The following PHLPP1 variants were observed in gnomAD, a reference collection of about 807,000 sequenced individuals.
The protein encoded by PHLPP1 is PH domain leucine-rich repeat-containing protein phosphatase 1.
PHLPP1 carries 42 observed loss-of-function variants against 117.2 expected under a neutral mutation model. The observed-to-expected ratio is 0.36, with a 90% confidence interval of 0.28 to 0.46. The LOEUF is 0.46. Among genes scored for constraint, PHLPP1 ranks in the 20% least tolerant of loss-of-function variants. PHLPP1 has a pLI of 1.00. For synonymous variants in PHLPP1, 1,042 were observed against 970.7 expected (o/e 1.07, Z -1.37); for missense variants, 2,084 against 2,241.9 (o/e 0.93, Z 1.42).
intron 3 of PHLPP1, among the ~76,000 whole-genome samples, chr18:62,855,549 A>G (rs1332393328): frequency 2.0e-5 from 3 of 152,206 alleles, no homozygotes; most frequent in Admixed American, 6.5e-5. Flanking sequence ...GTGGTCACCT[A>G]TGCAGCTCAC....
At chr18:62,740,674 C>T (rs1410390374) in intron 1 of PHLPP1, among the ~76,000 whole-genome samples, 2 of 152,164 alleles carry the variant, frequency 1.3e-5, no homozygotes, top group Non-Finnish European at 2.9e-5. Context: ...TTTAGTTTTT[C>T]TTAAGAACAT....
chr18:62,830,301 C>T (rs1031422495), intron 2 of PHLPP1, 70 bp downstream of exon 2: 38 of 1,346,666 alleles, frequency 2.8e-5, no homozygotes, highest in Middle Eastern at 2.2e-4. Context: ...AGTGTAGTGG[C>T]GTGGTCTCAA....
intron 1 of PHLPP1, among the ~76,000 whole-genome samples, chr18:62,765,607 G>T (rs769146852): frequency 6.6e-6 from 1 of 152,100 alleles, no homozygotes; most frequent in Non-Finnish European, 1.5e-5. Context: ...GTCTATTAAA[G>T]CTTCCATGTA....
At chr18:62,937,596 C>G (rs1382349700) in intron 10 of PHLPP1, among the ~76,000 whole-genome samples, 2 of 152,208 alleles carry the variant, frequency 1.3e-5, no homozygotes, top group Non-Finnish European at 2.9e-5. Flanking sequence ...AGTTTTATTT[C>G]TGTCTCTGCC....
At chr18:62,922,113 GT>G (rs1390071787) in intron 10 of PHLPP1, among the ~76,000 whole-genome samples, 2 of 132,910 alleles carry the variant, frequency 1.5e-5, no homozygotes, top group East Asian at 4.0e-4. Flanking sequence ...TTGGTTTTGG[GT>G]TTTTTGTTTG....
In PHLPP1 at chr18:62,938,918, G is replaced by A. The variant is rs116971945; in HGVS notation, c.2961-2800G>A. Among the ~76,000 whole-genome samples the A allele has an allele frequency of 9.9e-5, 15 of 151,326 alleles. No homozygotes were observed. The East Asian group carries it at 2.3e-3, about 24-fold the overall frequency. ...AAACATGAATTCACTTTGTTTTATC[G>A]CATGTGTTTGTGTGTGTATAACTAC... On this transcript the variant is annotated intron_variant, in intron 10 of 16. Coordinates refer to ENST00000262719, the MANE Select transcript of PHLPP1 (RefSeq NM_194449.4).
intron 2 of PHLPP1, 191 bp from the exon 3 acceptor site, chr18:62,838,593 C>G (rs770711917): frequency 3.3e-5 from 17 of 511,198 alleles, no homozygotes; most frequent in Middle Eastern, 5.2e-4. Flanking sequence ...AGATAAAACT[C>G]CCCCTTTTTT....
intron 4 of PHLPP1, among the ~76,000 whole-genome samples, chr18:62,876,604 C>T (rs1201920224): frequency 6.6e-6 from 1 of 152,118 alleles, no homozygotes; most frequent in African/African-American, 2.4e-5. Context: ...ATAATGTGAT[C>T]ATAAAACTTT....
chr18:62,967,372 AAG>A (rs1203106324), intron 14 of PHLPP1, among the ~76,000 whole-genome samples: 1 of 152,202 alleles, frequency 6.6e-6, no homozygotes, highest in Admixed American at 6.5e-5. Flanking sequence ...AGCAATGTCT[AAG>A]AGTTCCAGTA....
At chr18:62,882,387 G>A (rs971184001) in intron 4 of PHLPP1, among the ~76,000 whole-genome samples, 8 of 151,652 alleles carry the variant, frequency 5.3e-5, no homozygotes, top group African/African-American at 1.7e-4. Context: ...TCCTGCCTCA[G>A]CCTCCCGAGT....
intron 1 of PHLPP1, among the ~76,000 whole-genome samples, chr18:62,762,535 T>C (rs1416523902): frequency 6.6e-6 from 1 of 151,222 alleles, no homozygotes; most frequent in Non-Finnish European, 1.5e-5. Flanking sequence ...TGTCTCAGCC[T>C]CCTAAGTAGC....
At position 62,716,050 on chromosome 18, in the gene PHLPP1, A is replaced by G; in HGVS notation, c.367A>G (p.Arg123Gly). 6.8e-7 allele frequency: 1 copy of G among 1,470,192 alleles called. No homozygotes were observed. Among genetic ancestry groups the G allele is most frequent in the Non-Finnish European group, 8.9e-7 (1 of 1,120,402 alleles). 91.1% of individuals were successfully genotyped at this position (1,470,192 alleles called of 1,614,324 possible). ...CGGCGCCAACTCCCTCCTGCTGAGGAGAGGGCGGCTGAAGAGGAATCTGTC... is the reference window on the plus strand; with the variant it reads ...CGGCGCCAACTCCCTCCTGCTGAGGGGAGGGCGGCTGAAGAGGAATCTGTC... ...GGGANSLLLR[R>G]GRLKRNLSAA... The change falls in exon 1 of 17, where the codon AGA (arginine) becomes GGA (glycine). Residue 123 changes from arginine (R) to glycine (G), a missense_variant. Transcript: ENST00000262719. The surrounding 1 kb of genome is among the most constrained non-coding windows in gnomAD (Gnocchi z 5.7).
chr18:62,812,783 C>T (rs1047537226), intron 1 of PHLPP1, among the ~76,000 whole-genome samples: 1 of 151,424 alleles, frequency 6.6e-6, no homozygotes, highest in South Asian at 2.1e-4. Flanking sequence ...TGATTAAAAT[C>T]CTGAAGTCTA....
chr18:62,855,492 G>A (rs597915), intron 3 of PHLPP1, among the ~76,000 whole-genome samples: 64,807 of 152,040 alleles, frequency 0.43, 13,994 homozygotes, highest in African/African-American at 0.48. Flanking sequence ...CTCCCATTCT[G>A]TTGCAGCTTA....
intron 1 of PHLPP1, among the ~76,000 whole-genome samples, chr18:62,747,620 G>A (rs1911718182): frequency 6.6e-6 from 1 of 151,866 alleles, no homozygotes; most frequent in Non-Finnish European, 1.5e-5. Context: ...GGGCTCAAGC[G>A]ATTCTCCCAC....
In PHLPP1 at chr18:62,978,440, C is replaced by T. The variant is rs750847498; in HGVS notation, c.4163C>T (p.Ala1388Val). ...CTGTCCGTCGAGGAGGCCGTGGAAGCCGTGCGCAACGTGCCCGATGCCCTG... is the reference window on the plus strand; with the variant it reads ...CTGTCCGTCGAGGAGGCCGTGGAAGTCGTGCGCAACGTGCCCGATGCCCTG... ...DSLSVEEAVE[A>V]VRNVPDALAA... The change falls in exon 17 of 17, where the codon GCC (alanine) becomes GTC (valine). Residue 1388 changes from alanine to valine, a missense_variant. Transcript: ENST00000262719. The surrounding 1 kb of genome is among the most constrained non-coding windows in gnomAD (Gnocchi z 7.0). 3 of 1,611,602 alleles carry T rather than the reference C, an allele frequency of 1.9e-6. No individual in the cohort carries two copies. The highest frequency in any genetic ancestry group is 2.5e-6 in the Non-Finnish European group (3 of 1,178,928).
chr18:62,889,386 C>G (rs1185790648), intron 4 of PHLPP1, among the ~76,000 whole-genome samples: 3 of 152,144 alleles, frequency 2.0e-5, no homozygotes, highest in Non-Finnish European at 4.4e-5. Context: ...TAAGTTATAA[C>G]CAAGCTAAGA....
intron 10 of PHLPP1, among the ~76,000 whole-genome samples, chr18:62,924,604 C>T (rs929304259): frequency 1.4e-5 from 2 of 145,492 alleles, no homozygotes; most frequent in Non-Finnish European, 3.0e-5. Context: ...GAGGCCAACA[C>T]GGGAGGATTG....
chr18:62,757,634 G>T (rs1376980285), intron 1 of PHLPP1, among the ~76,000 whole-genome samples: 1 of 152,150 alleles, frequency 6.6e-6, no homozygotes, highest in African/African-American at 2.4e-5. Flanking sequence ...GTCTATTATA[G>T]CTTAAATATA....
Sources: allele counts gnomAD v4.1 joint callset (sites outside exome capture counted in the v4.1 genomes callset), GRCh38; gene constraint gnomAD v4.1.1; non-coding constraint Gnocchi (gnomAD v3.1); transcripts MANE v1.5; gene names NCBI Gene and HGNC (gene_info 2026-07-23, HGNC 2026-07-21).